Variants in CCDC9B observed in about 807,000 individuals in gnomAD.
CCDC9B encodes the protein coiled-coil domain-containing protein 9B.
In CCDC9B, 40 loss-of-function variants were observed where a neutral mutation model predicts 47.2. The ratio of observed to expected loss-of-function variants is 0.85; its 90% CI spans 0.66 to 1.10. The LOEUF (loss-of-function observed/expected upper bound fraction) is 1.10. CCDC9B is among the 50% of genes least tolerant of loss of function. The pLI, the probability that CCDC9B is intolerant of heterozygous loss-of-function variation, is 0.00. For synonymous variants in CCDC9B, 238 were observed against 250.7 expected (o/e 0.95, Z 0.48); for missense variants, 662 against 651.0 (o/e 1.02, Z -0.18).
At chr15:40,337,481 C>T (rs779575049) in intron 6 of CCDC9B, 35 bp from the exon 7 acceptor site, 1 of 1,516,842 alleles carries the variant, frequency 6.6e-7, no homozygotes, top group Admixed American at 2.2e-5. Flanking sequence ...TGCTGGTGCA[C>T]AGAAGCTGCC....
In CCDC9B at chr15:40,337,871, C is replaced by T. The variant is rs202194676; in HGVS notation, c.536G>A (p.Arg179Gln). The T allele has an allele frequency of 9.2e-5, 148 of 1,601,944 alleles. 1 individual carries two copies. Among genetic ancestry groups the T allele is most frequent in the Admixed American group, 3.4e-5 (2 of 58,936 alleles). Residue 179 changes from arginine to glutamine, a missense_variant, in exon 6 of 11, where the codon CGG becomes CAG. Coordinates refer to ENST00000397536, the MANE Select transcript of CCDC9B (RefSeq NM_207380.3). ...CGCCTCCGGGGGCTCCCCCACCGGCCGGCTCCAGGGCTCCCAAGAACCCTG... is the reference window on the plus strand; with the variant it reads ...CGCCTCCGGGGGCTCCCCCACCGGCTGGCTCCAGGGCTCCCAAGAACCCTG... ...ARKGSWEPWS[R>Q]PVGEPPEAGW... is the part of the protein sequence containing the mutation.
rs1888915834 is a variant in CCDC9B at position 40,334,550 on chromosome 15, C to A, written c.*608G>T. On this transcript the variant is annotated 3_prime_UTR_variant, in exon 11 of 11. Coordinates refer to ENST00000397536, the MANE Select transcript of CCDC9B (RefSeq NM_207380.3). Reference sequence around the variant, plus strand: ...GAGAGGAGGACTTTCCAGAGATCCTCCTTTTCACCAAGAAGACGTGAGCTC... The same window carrying A: ...GAGAGGAGGACTTTCCAGAGATCCTACTTTTCACCAAGAAGACGTGAGCTC... The A allele has an allele frequency of 6.6e-6, 1 of 152,268 alleles. No individual in the cohort carries two copies. Among genetic ancestry groups the A allele is most frequent in the African/African-American group, 2.4e-5 (1 of 41,446 alleles). The allele number at this position is 152,268 out of a possible 1,614,324, so 9.4% of individuals were successfully genotyped here. A position where few individuals can be genotyped will look rare whatever the true frequency, so the allele number is the denominator to read the frequency against.
intron 7 of CCDC9B, 173 bp downstream of exon 7, chr15:40,337,215 G>A: frequency 1.4e-6 from 1 of 740,194 alleles, no homozygotes; most frequent in South Asian, 1.5e-5. Flanking sequence ...CAGAGGGGAG[G>A]ATGGGAGGTC....
chr15:40,336,204 C>T (rs1049722211), intron 9 of CCDC9B: 149 of 985,364 alleles, frequency 1.5e-4, no homozygotes, highest in Non-Finnish European at 1.7e-4. Flanking sequence ...TTCCCTAAAT[C>T]CAACTATTTC....
rs1888944058 is a variant in CCDC9B at position 40,335,725 on chromosome 15, G to A, written c.931-25C>T. 7 of 1,584,002 alleles carry A rather than the reference G, an allele frequency of 4.4e-6. No homozygotes were observed. In the South Asian group the frequency reaches 6.9e-5, roughly 16 times the overall value. On this transcript the variant is annotated intron_variant, in intron 10 of 10. Transcript: ENST00000397536. Reference sequence around the variant, plus strand: ...CCTGAAACAAGAGAATAGCCCCGGTGGCTGATGAATCCAGGGCTCGCGTCC... The same window carrying A: ...CCTGAAACAAGAGAATAGCCCCGGTAGCTGATGAATCCAGGGCTCGCGTCC...
Position 40,336,582 on chromosome 15 carries a change from C to G in CCDC9B, c.879G>C (p.Arg293Ser). ...KARGKERLTG[R>S]ARRWDMKEDK... ...CCCCTGCCACCTGTTACCTTCGGGC[C>G]CTGCCAGTCAGCCTCTCCTTGCCCC... Residue 293 changes from arginine (R) to serine (S), a missense_variant, in exon 9 of 11, where the codon AGG (arginine) becomes AGC (serine). Transcript: ENST00000397536. 2 of 1,611,898 alleles carry G rather than the reference C, an allele frequency of 1.2e-6. No homozygotes were observed. Among genetic ancestry groups the G allele is most frequent in the Non-Finnish European group, 1.7e-6 (2 of 1,179,546 alleles).
At chr15:40,340,762 C>T in intron 1 of CCDC9B, 46 bp downstream of exon 1, 1 of 1,573,300 alleles carries the variant, frequency 6.4e-7, no homozygotes, top group Non-Finnish European at 8.6e-7. Context: ...TCCCAGCCCC[C>T]TCCCAGTCCC....
intron 1 of CCDC9B, 29 bp downstream of exon 1, chr15:40,340,779 C>A: frequency 1.3e-6 from 2 of 1,593,578 alleles, no homozygotes; most frequent in South Asian, 1.1e-5. Context: ...TCCCAAGAAG[C>A]CCCCTGCCAA....
chr15:40,335,445 C>T lies in CCDC9B; in HGVS notation c.1186G>A (p.Gly396Ser), dbSNP rs1220399575. The T allele has an allele frequency of 1.1e-5, 17 of 1,609,174 alleles. No individual in the cohort carries two copies. Among genetic ancestry groups the T allele is most frequent in the South Asian group, 7.7e-5 (7 of 90,654 alleles). Residue 396 changes from glycine (G) to serine (S), a missense_variant, in exon 11 of 11, where the codon GGT becomes AGT. Coordinates refer to ENST00000397536, the MANE Select transcript of CCDC9B (RefSeq NM_207380.3). Reference protein sequence around the residue: ...PGPRESGCVLGLRPGAQESPV... With the variant: ...PGPRESGCVLSLRPGAQESPV... Reference sequence around the variant, plus strand: ...CTCTCCTGGGCCCCAGGCCTCAGACCGAGCACACACCCGCTCTCCCTGGGC... The same window carrying T: ...CTCTCCTGGGCCCCAGGCCTCAGACTGAGCACACACCCGCTCTCCCTGGGC...
At chr15:40,337,107 C>A (rs1412399132) in intron 7 of CCDC9B, 3 of 614,604 alleles carry the variant, frequency 4.9e-6, no homozygotes, top group Admixed American at 5.7e-5. Flanking sequence ...ACCACCAGGA[C>A]TTTCACCCTT....
intron 3 of CCDC9B, 174 bp from the exon 4 acceptor site, chr15:40,339,077 C>G: frequency 1.4e-6 from 1 of 727,538 alleles, no homozygotes; most frequent in Non-Finnish European, 2.4e-6. Context: ...TTATCCAGGG[C>G]CCAGGGCCAC....
intron 2 of CCDC9B, 106 bp from the exon 3 acceptor site, chr15:40,339,725 A>G (rs554009191): frequency 1.3e-6 from 2 of 1,540,516 alleles, no homozygotes; most frequent in Non-Finnish European, 1.7e-6. Context: ...ACCAGGGGGC[A>G]GAGGCGCCAC....
chr15:40,339,304 ATGAAGATGCATCTAC>A (rs1477754564), intron 3 of CCDC9B, 193 bp downstream of exon 3: 9 of 588,788 alleles, frequency 1.5e-5, no homozygotes, highest in Non-Finnish European at 2.7e-5. Flanking sequence ...GGAAAAGGGT[ATGAAGATGCATCTAC>A]TGGGGGTAGG....
intron 7 of CCDC9B, 55 bp downstream of exon 7, chr15:40,337,333 G>C: frequency 6.9e-7 from 1 of 1,448,786 alleles, no homozygotes; most frequent in Non-Finnish European, 9.7e-7. Context: ...GAGGACAAGG[G>C]GGTGAAAGAT....
Position 40,332,796 on chromosome 15 carries a change from T to C in CCDC9B, c.*2362A>G, listed in dbSNP as rs1371071183. On this transcript the variant is annotated 3_prime_UTR_variant, in exon 11 of 11. Transcript: ENST00000397536. Reference sequence around the variant, plus strand: ...CTCCTCTACCCCTAGCCCCGTCCTTTGGGAGTCATGGATTCCTAGGCCAGT... The same window carrying C: ...CTCCTCTACCCCTAGCCCCGTCCTTCGGGAGTCATGGATTCCTAGGCCAGT... 6.6e-6 allele frequency: 1 copy of C among 152,178 alleles called. No homozygotes were observed. Among genetic ancestry groups the C allele is most frequent in the East Asian group, 1.9e-4 (1 of 5,198 alleles). The allele number at this position is 152,178 out of a possible 1,614,324, so 9.4% of individuals were successfully genotyped here.
In CCDC9B at chr15:40,339,944, G is replaced by A. The variant is rs2141249562; in HGVS notation, c.84C>T (p.Ala28=). ...KDAELDRRIV[A]LRKKNQALLR... is the part of the protein sequence containing the mutation. Reference sequence around the variant, plus strand: ...GCAAGGCCTGGTTCTTCTTGCGCAGGGCAACTATCCTCCGATCCAGCTCTG... The same window carrying A: ...GCAAGGCCTGGTTCTTCTTGCGCAGAGCAACTATCCTCCGATCCAGCTCTG... The change falls in exon 2 of 11, where the codon GCC becomes GCT. Residue 28 remains alanine, a synonymous_variant. Transcript: ENST00000397536. 1 of 1,613,868 alleles carries A rather than the reference G, an allele frequency of 6.2e-7. No individual in the cohort carries two copies. The highest frequency in any genetic ancestry group is 8.5e-7 in the Non-Finnish European group (1 of 1,179,902).
chr15:40,338,773 G>C lies in CCDC9B; in HGVS notation c.362C>G (p.Ala121Gly), dbSNP rs1481613050. 6 of 1,613,670 alleles carry C rather than the reference G, an allele frequency of 3.7e-6. 1 individual carries two copies. The Admixed American group carries it at 8.3e-5, about 22-fold the overall frequency. ...CTCTGCTTTGTTCTCCATGGTCACA[G>C]CCAGCTCCACCAGCTCCCCTAAGCA... is the stretch of plus-strand genomic sequence containing the variant. Reference protein sequence around the residue: ...TFCLGELVELAVTMENKAEGK... With the variant: ...TFCLGELVELGVTMENKAEGK... The change falls in exon 4 of 11, where the codon GCT becomes GGT. Residue 121 changes from alanine to glycine, a missense_variant. Coordinates refer to ENST00000397536, the MANE Select transcript of CCDC9B (RefSeq NM_207380.3).
chr15:40,340,085 T>G, intron 1 of CCDC9B, 70 bp from the exon 2 acceptor site: 1 of 953,910 alleles, frequency 1.0e-6, no homozygotes, highest in South Asian at 1.4e-5. Context: ...CTTTCACATT[T>G]TCACCACCCA....
intron 1 of CCDC9B, chr15:40,340,483 G>A (rs920387733): frequency 3.2e-5 from 13 of 403,650 alleles, no homozygotes; most frequent in Non-Finnish European, 4.9e-5. Flanking sequence ...CCTGGACCCC[G>A]CACCTAGGCC....
Sources: gnomAD v4.1 joint callset for allele counts on GRCh38, gnomAD v4.1.1 for gene constraint, MANE v1.5 for transcripts, NCBI Gene and HGNC (gene_info 2026-07-23, HGNC 2026-07-21) for gene names.